The following SCN8A variants were observed in gnomAD, a reference collection of about 807,000 sequenced individuals.
The protein encoded by SCN8A is sodium voltage-gated channel alpha subunit 8, also known as sodium channel protein type 8 subunit alpha.
SCN8A carries 30 observed loss-of-function variants against 184.1 expected under a neutral mutation model. The observed-to-expected ratio is 0.16, with a 90% CI of 0.12 to 0.22. SCN8A has a LOEUF of 0.22. Ranked by LOEUF, SCN8A falls within the 10% of genes least tolerant of loss-of-function variation. SCN8A has a pLI of 1.00. For synonymous variants in SCN8A, 852 were observed against 907.0 expected, an observed-to-expected ratio of 0.94 and a Z score of 1.09; for missense variants, 1,057 against 2,498.9, an observed-to-expected ratio of 0.42 and a Z score of 12.30.
chr12:51,780,543 C>T (rs1304842313), intron 20 of SCN8A, 106 bp from the exon 21 acceptor site: 6 of 787,118 alleles, frequency 7.6e-6, no homozygotes, highest in Non-Finnish European at 1.0e-5. Context: ...TATTCTAACA[C>T]TCTGGAACCT....
intron 11 of SCN8A, chr12:51,713,591 G>T (rs1592399032): frequency 2.9e-6 from 2 of 682,900 alleles, no homozygotes; most frequent in East Asian, 5.1e-5. Context: ...CGACCAGGCG[G>T]TGGTTTTACC....
At chr12:51,804,032 G>T (rs1006716864) in intron 26 of SCN8A, among the ~76,000 whole-genome samples, 1 of 152,216 alleles carries the variant, frequency 6.6e-6, no homozygotes. Flanking sequence ...AGCTCCCATT[G>T]TCTTGTTAGT....
At chr12:51,791,541 C>T (rs1938251426) in intron 25 of SCN8A, among the ~76,000 whole-genome samples, 1 of 152,078 alleles carries the variant, frequency 6.6e-6, no homozygotes, top group Non-Finnish European at 1.5e-5. Context: ...TTTTTTATTT[C>T]CTTGATGTTA....
intron 2 of SCN8A, among the ~76,000 whole-genome samples, chr12:51,666,259 C>T (rs1941030746): frequency 6.6e-6 from 1 of 152,180 alleles, no homozygotes; most frequent in Non-Finnish European, 1.5e-5. Flanking sequence ...AAGCATGTTG[C>T]CTTTCCTTCA....
chr12:51,612,663 C>G (rs138716346), intron 1 of SCN8A, among the ~76,000 whole-genome samples: 1 of 152,286 alleles, frequency 6.6e-6, no homozygotes, highest in East Asian at 1.9e-4. Context: ...ACCTACTTTG[C>G]ATTTCTGGGG....
intron 2 of SCN8A, among the ~76,000 whole-genome samples, chr12:51,680,792 A>G (rs898440606): frequency 1.7e-4 from 26 of 152,270 alleles, no homozygotes; most frequent in African/African-American, 6.3e-4. Flanking sequence ...ATCCGAAGTC[A>G]GGAGTTCAAG....
intron 14 of SCN8A, among the ~76,000 whole-genome samples, chr12:51,754,140 G>A (rs1269115617): frequency 2.0e-5 from 3 of 152,130 alleles, no homozygotes; most frequent in Non-Finnish European, 4.4e-5. Context: ...ATGTTTTATA[G>A]AGGAAATTGA....
chr12:51,700,581 T>C (rs1941670564), intron 7 of SCN8A, among the ~76,000 whole-genome samples: 1 of 152,196 alleles, frequency 6.6e-6, no homozygotes, highest in Non-Finnish European at 1.5e-5. Flanking sequence ...TTTGATGTAG[T>C]GATACTTCTT....
intron 12 of SCN8A, among the ~76,000 whole-genome samples, chr12:51,733,194 C>T (rs1188423614): frequency 1.3e-5 from 2 of 152,120 alleles, no homozygotes; most frequent in Non-Finnish European, 2.9e-5. Flanking sequence ...GAGAGTCTGT[C>T]ATATATGGCT....
chr12:51,717,543 A>G (rs1218132062), intron 11 of SCN8A, among the ~76,000 whole-genome samples: 1 of 152,236 alleles, frequency 6.6e-6, no homozygotes, highest in Non-Finnish European at 1.5e-5. Context: ...GAGCTGGTTC[A>G]GGGGAATTAA....
chr12:51,605,408 A>G (rs1216875717), intron 1 of SCN8A, among the ~76,000 whole-genome samples: 2 of 152,186 alleles, frequency 1.3e-5, no homozygotes, highest in Non-Finnish European at 2.9e-5. Context: ...CATCTAGGTC[A>G]TTGCAAATGC....
intron 1 of SCN8A, among the ~76,000 whole-genome samples, chr12:51,625,035 C>T (rs948186040): frequency 6.6e-6 from 1 of 152,030 alleles, no homozygotes; most frequent in Non-Finnish European, 1.5e-5. Context: ...CATACTGGTT[C>T]TCTTGAAAAA....
intron 13 of SCN8A, among the ~76,000 whole-genome samples, chr12:51,746,825 A>T (rs1942518592): frequency 6.6e-6 from 1 of 152,124 alleles, no homozygotes; most frequent in African/African-American, 2.4e-5. Context: ...CTTTCTTTAG[A>T]GGTAAATTCA....
In SCN8A at chr12:51,614,040, A is replaced by G. The variant is rs73295765; in HGVS notation, c.-55+22681A>G. Among the ~76,000 whole-genome samples the G allele has an allele frequency of 3.8e-3, 573 of 152,248 alleles. 2 individuals carry two copies. Among genetic ancestry groups the G allele is most frequent in the African/African-American group, 0.013 (534 of 41,570 alleles). On this transcript the variant is annotated intron_variant, in intron 1 of 26. Transcript: ENST00000627620. ...ATTCTGTTGTTAGGTGGAATGTTCT[A>G]TGAATATTGATATCTATTCAAGTTG...
chr12:51,734,823 A>G (rs1232631929), intron 12 of SCN8A, among the ~76,000 whole-genome samples: 3 of 152,236 alleles, frequency 2.0e-5, no homozygotes, highest in African/African-American at 7.2e-5. Flanking sequence ...AAGAAAAACA[A>G]CGTAGATTAA....
At chr12:51,737,507 C>G (rs894217100) in intron 12 of SCN8A, among the ~76,000 whole-genome samples, 1 of 152,180 alleles carries the variant, frequency 6.6e-6, no homozygotes, top group African/African-American at 2.4e-5. Context: ...GGTAGGAATG[C>G]CTAGAGCAGG....
At chr12:51,592,888 C>A (rs1006963985) in intron 1 of SCN8A, among the ~76,000 whole-genome samples, 1 of 151,968 alleles carries the variant, frequency 6.6e-6, no homozygotes, top group Non-Finnish European at 1.5e-5. Context: ...AATCCCTCTG[C>A]ACTTCTCTTT....
chr12:51,789,548 C>T, intron 24 of SCN8A, 130 bp downstream of exon 24: 1 of 1,072,206 alleles, frequency 9.3e-7, no homozygotes, highest in Non-Finnish European at 1.3e-6. Context: ...CACTGTGACC[C>T]TGGCCCCCAT....
rs1395464489 is a variant in SCN8A at position 51,806,511 on chromosome 12, T to C, written c.5025T>C (p.Tyr1675=). Residue 1675 remains tyrosine (Y), a synonymous_variant, in exon 27 of 27, where the codon TAT becomes TAC. Coordinates refer to ENST00000627620, the MANE Select transcript of SCN8A (RefSeq NM_001330260.2). The surrounding 1 kb of genome is among the most constrained non-coding windows in gnomAD (Gnocchi z 8.7). Reference sequence around the variant, plus strand: ...TTTTTGGGATGTCCAATTTTGCATATGTGAAGCACGAGGCTGGTATCGATG... The same window carrying C: ...TTTTTGGGATGTCCAATTTTGCATACGTGAAGCACGAGGCTGGTATCGATG... The part of the protein sequence containing the change: ...FSIFGMSNFA[Y]VKHEAGIDDM... 5 of 1,614,110 alleles carry C rather than the reference T, an allele frequency of 3.1e-6. No individual in the cohort carries two copies. In the African/African-American group the frequency reaches 4.0e-5, roughly 13 times the overall value.
Sources: allele counts gnomAD v4.1 joint callset (sites outside exome capture counted in the v4.1 genomes callset), GRCh38; gene constraint gnomAD v4.1.1; non-coding constraint Gnocchi (gnomAD v3.1); transcripts MANE v1.5; gene names NCBI Gene and HGNC (gene_info 2026-07-23, HGNC 2026-07-21).